KCNT2: variants seen among roughly 807,000 people sequenced by gnomAD.
KCNT2 encodes the protein potassium sodium-activated channel subfamily T member 2, also known as potassium channel subfamily T member 2.
In KCNT2, 67 loss-of-function variants were observed where a neutral mutation model predicts 153.8. The ratio of observed to expected loss-of-function variants is 0.44; its 90% confidence interval spans 0.36 to 0.53. KCNT2 has a LOEUF of 0.53. KCNT2 is among the 20% of genes least tolerant of loss of function. The probability of loss-of-function intolerance (pLI) is 0.00; values close to 1 mark genes in which losing one functional copy is unlikely to be tolerated. For missense variants in KCNT2, 975 were observed against 1,354.8 expected (o/e 0.72, Z 4.40); for synonymous variants, 500 against 458.8 (o/e 1.09, Z -1.15).
intron 14 of KCNT2, among the ~76,000 whole-genome samples, chr1:196,356,280 T>C (rs1433859306): frequency 6.6e-6 from 1 of 151,756 alleles, no homozygotes; most frequent in Admixed American, 6.6e-5. Context: ...ATATTAAATT[T>C]CATCCTGCCC....
At chr1:196,440,981 G>A (rs936289295) in intron 8 of KCNT2, among the ~76,000 whole-genome samples, 1 of 151,670 alleles carries the variant, frequency 6.6e-6, no homozygotes, top group African/African-American at 2.4e-5. Flanking sequence ...CACTAGATAA[G>A]CACAGAAGCT....
intron 23 of KCNT2, among the ~76,000 whole-genome samples, chr1:196,282,940 G>A (rs2147876493): frequency 6.6e-6 from 1 of 152,260 alleles, no homozygotes; most frequent in Non-Finnish European, 1.5e-5. Flanking sequence ...CGCCTCCCGG[G>A]TTCAAGTGAT....
chr1:196,450,019 TGAA>T (rs1050242370), intron 8 of KCNT2, among the ~76,000 whole-genome samples: 1 of 151,770 alleles, frequency 6.6e-6, no homozygotes, highest in African/African-American at 2.4e-5. Flanking sequence ...GGGCTGTGTT[TGAA>T]GAAGTGGAAA....
At chr1:196,281,537 G>C (rs915234362) in intron 24 of KCNT2, among the ~76,000 whole-genome samples, 1 of 152,126 alleles carries the variant, frequency 6.6e-6, no homozygotes, top group African/African-American at 2.4e-5. Context: ...AAGATGAATA[G>C]TAGAATAAGC....
At chr1:196,317,726 G>A (rs1381490652) in intron 20 of KCNT2, among the ~76,000 whole-genome samples, 1 of 151,658 alleles carries the variant, frequency 6.6e-6, no homozygotes, top group Non-Finnish European at 1.5e-5. Flanking sequence ...ATTCAATGAC[G>A]TTGAAGTGAA....
At chr1:196,260,053 T>C (rs534433075) in intron 25 of KCNT2, among the ~76,000 whole-genome samples, 89 of 151,984 alleles carry the variant, frequency 5.9e-4, no homozygotes, top group Admixed American at 2.6e-3. Context: ...TTGTACTTTG[T>C]AGCAACAATG....
intron 13 of KCNT2, among the ~76,000 whole-genome samples, chr1:196,378,623 AAGCCTTTAGGC>A: frequency 6.6e-6 from 1 of 151,108 alleles, no homozygotes; most frequent in African/African-American, 2.4e-5. Flanking sequence ...ACCATAGTTC[AAGCCTTTAGGC>A]ACCCAAGAAA....
At chr1:196,481,442 G>A (rs1679015739) in intron 4 of KCNT2, among the ~76,000 whole-genome samples, 1 of 152,150 alleles carries the variant, frequency 6.6e-6, no homozygotes, top group Admixed American at 6.5e-5. Context: ...CATTGCACTT[G>A]TACCCCATAA....
intron 25 of KCNT2, 155 bp from the exon 26 acceptor site, chr1:196,258,649 TA>T (rs1431093477): frequency 2.9e-6 from 2 of 701,620 alleles, no homozygotes; most frequent in African/African-American, 3.6e-5. Flanking sequence ...AATTTTCCAT[TA>T]CTAAAAATAT....
rs923929237 is a variant in KCNT2, at chr1:196,282,153, C to T, written c.2781+120G>A. The T allele has an allele frequency of 1.4e-5, 7 of 499,842 alleles. 1 individual carries two copies. In the Admixed American group the frequency reaches 1.5e-4, roughly 10 times the overall value. The allele number at this position is 499,842 out of a possible 1,614,324, so 31.0% of individuals were successfully genotyped here. On this transcript the variant is annotated intron_variant, in intron 24 of 27. Coordinates refer to ENST00000294725, the MANE Select transcript of KCNT2 (RefSeq NM_198503.5). ...TAAAGGAATTTTAAAAACTCAAATG[C>T]ATCTGGATTCACAATACAAAAAATA...
chr1:196,349,854 C>T (rs1227698827), intron 14 of KCNT2, among the ~76,000 whole-genome samples: 1 of 151,950 alleles, frequency 6.6e-6, no homozygotes, highest in Non-Finnish European at 1.5e-5. Context: ...CTATCCCTCC[C>T]CCCTTCCCCC....
At chr1:196,391,378 T>C (rs1209940254) in intron 13 of KCNT2, among the ~76,000 whole-genome samples, 1 of 151,348 alleles carries the variant, frequency 6.6e-6, no homozygotes, top group Non-Finnish European at 1.5e-5. Flanking sequence ...GTCTTTTTCA[T>C]AAGACATTTA....
chr1:196,383,220 A>C (rs1382825580), intron 13 of KCNT2, among the ~76,000 whole-genome samples: 1 of 152,184 alleles, frequency 6.6e-6, no homozygotes, highest in African/African-American at 2.4e-5. Flanking sequence ...GTAAAATAAA[A>C]AGAAAGAACA....
intron 26 of KCNT2, among the ~76,000 whole-genome samples, chr1:196,240,381 TAATA>T (rs1654841409): frequency 6.6e-6 from 1 of 152,022 alleles, no homozygotes; most frequent in Non-Finnish European, 1.5e-5. Flanking sequence ...CTATTTATTC[TAATA>T]AATAAATAAC....
intron 14 of KCNT2, among the ~76,000 whole-genome samples, chr1:196,349,591 G>A (rs908740394): frequency 2.0e-5 from 3 of 152,080 alleles, no homozygotes; most frequent in South Asian, 2.1e-4. Flanking sequence ...ATTTCCTAGC[G>A]GTACACCCTA....
chr1:196,389,961 C>CT (rs1670328448), intron 13 of KCNT2, among the ~76,000 whole-genome samples: 2 of 151,502 alleles, frequency 1.3e-5, no homozygotes, highest in African/African-American at 4.8e-5. Context: ...AATTGTTCTG[C>CT]TTATGATTCT....
At chr1:196,266,636 G>A (rs986954568) in intron 25 of KCNT2, among the ~76,000 whole-genome samples, 1 of 152,078 alleles carries the variant, frequency 6.6e-6, no homozygotes, top group African/African-American at 2.4e-5. Context: ...CTGGAACAAG[G>A]AACCCCTTAC....
intron 1 of KCNT2, among the ~76,000 whole-genome samples, chr1:196,494,563 T>C (rs931467759): frequency 2.6e-5 from 4 of 152,094 alleles, no homozygotes; most frequent in African/African-American, 9.7e-5. Flanking sequence ...CATGCCGTGT[T>C]AGTCAGGATG....
intron 19 of KCNT2, among the ~76,000 whole-genome samples, chr1:196,320,032 T>C (rs772196643): frequency 5.3e-5 from 8 of 151,834 alleles, no homozygotes; most frequent in Non-Finnish European, 7.4e-5. Flanking sequence ...CAACATGCCC[T>C]ATATAATATG....
Sources: allele counts gnomAD v4.1 joint callset (sites outside exome capture counted in the v4.1 genomes callset), GRCh38; gene constraint gnomAD v4.1.1; transcripts MANE v1.5; gene names NCBI Gene and HGNC (gene_info 2026-07-23, HGNC 2026-07-21).